Variants in PDE4B observed in about 807,000 individuals in gnomAD.
The protein encoded by PDE4B is 3',5'-cyclic-AMP phosphodiesterase 4B.
In PDE4B, 20 loss-of-function variants were observed where a neutral mutation model predicts 82.2. The observed-to-expected ratio is 0.24, with a 90% CI of 0.17 to 0.35. PDE4B has a LOEUF of 0.35. PDE4B is among the 10% of genes least tolerant of loss of function. The pLI, the probability that PDE4B is intolerant of heterozygous loss-of-function variation, is 1.00. For synonymous variants in PDE4B, 320 were observed against 318.9 expected (o/e 1.00, Z -0.04); for missense variants, 655 against 907.2 (o/e 0.72, Z 3.57).
intron 1 of PDE4B, among the ~76,000 whole-genome samples, chr1:65,908,712 C>T (rs1647054681): frequency 2.0e-5 from 3 of 151,990 alleles, no homozygotes; most frequent in Admixed American, 1.3e-4. Context: ...TCAATGTGTG[C>T]CAGTGGGGGT....
chr1:65,803,678 T>G (rs1393371294), intron 1 of PDE4B, among the ~76,000 whole-genome samples: 1 of 152,162 alleles, frequency 6.6e-6, no homozygotes, highest in Non-Finnish European at 1.5e-5. Flanking sequence ...CGGATTAAAA[T>G]GTACGATTCC....
chr1:66,307,907 G>A (rs1023550021), intron 7 of PDE4B, among the ~76,000 whole-genome samples: 1 of 152,094 alleles, frequency 6.6e-6, no homozygotes, highest in East Asian at 1.9e-4. Context: ...TAAGTCGAGG[G>A]CCAAGGTCAG....
intron 1 of PDE4B, among the ~76,000 whole-genome samples, chr1:65,829,739 C>T (rs556901771): frequency 5.9e-5 from 9 of 152,068 alleles, no homozygotes; most frequent in African/African-American, 2.2e-4. Context: ...TAATTTAAAA[C>T]AAAACGAAAC....
chr1:65,862,239 T>C (rs1334250215), intron 1 of PDE4B, among the ~76,000 whole-genome samples: 3 of 152,204 alleles, frequency 2.0e-5, no homozygotes, highest in Non-Finnish European at 4.4e-5. Context: ...ACCTAGTTTA[T>C]AGAGAGTTTT....
chr1:66,119,578 T>C (rs1440365515), intron 3 of PDE4B, among the ~76,000 whole-genome samples: 1 of 152,214 alleles, frequency 6.6e-6, no homozygotes, highest in Non-Finnish European at 1.5e-5. Flanking sequence ...ACTGATGTTA[T>C]TGCCACAATT....
intron 3 of PDE4B, among the ~76,000 whole-genome samples, chr1:66,159,734 C>T (rs1201582206): frequency 6.6e-6 from 1 of 152,084 alleles, no homozygotes; most frequent in Non-Finnish European, 1.5e-5. Flanking sequence ...CGTAAAAGCT[C>T]TAATATTCCC....
intron 3 of PDE4B, among the ~76,000 whole-genome samples, chr1:66,125,816 T>G (rs889786836): frequency 6.6e-6 from 1 of 152,186 alleles, no homozygotes; most frequent in Non-Finnish European, 1.5e-5. Context: ...TTGTGTTGTT[T>G]TGTTTTTGAG....
At chr1:65,915,487 TTTC>T (rs1430071979) in intron 2 of PDE4B, among the ~76,000 whole-genome samples, 12 of 152,170 alleles carry the variant, frequency 7.9e-5, no homozygotes, top group African/African-American at 2.9e-4. Context: ...CTTATTCCAT[TTTC>T]TCACTATGAG....
At chr1:66,182,556 T>C (rs1184360043) in intron 3 of PDE4B, among the ~76,000 whole-genome samples, 1 of 152,206 alleles carries the variant, frequency 6.6e-6, no homozygotes, top group Non-Finnish European at 1.5e-5. Context: ...CTTTTACTGC[T>C]TTGAATGATA....
chr1:66,058,989 C>G (rs978353622), intron 3 of PDE4B, among the ~76,000 whole-genome samples: 1 of 152,216 alleles, frequency 6.6e-6, no homozygotes, highest in Non-Finnish European at 1.5e-5. Flanking sequence ...AACTCTTATG[C>G]TCTGCATCCT....
chr1:66,354,247 C>A (rs1014379778), intron 8 of PDE4B: 2 of 197,286 alleles, frequency 1.0e-5, no homozygotes, highest in Admixed American at 6.5e-5. Flanking sequence ...TCAATTAGAG[C>A]GGCTGGATTT....
chr1:66,152,432 GC>G, intron 3 of PDE4B: 1 of 230,960 alleles, frequency 4.3e-6, no homozygotes, highest in South Asian at 5.4e-5. Flanking sequence ...ACTGGCTGTG[GC>G]AGCAGCAGCA....
At chr1:65,869,991 T>G (rs1027128606) in intron 1 of PDE4B, among the ~76,000 whole-genome samples, 2 of 152,160 alleles carry the variant, frequency 1.3e-5, no homozygotes, top group Non-Finnish European at 2.9e-5. Context: ...TGAGTGTGGT[T>G]GTGGAAAGGG....
chr1:66,366,522 T>A (rs536215984), intron 13 of PDE4B, among the ~76,000 whole-genome samples: 37 of 152,328 alleles, frequency 2.4e-4, no homozygotes, highest in African/African-American at 8.4e-4. Flanking sequence ...TACTGACAGT[T>A]TTCTAGAAAT....
At chr1:65,905,672 C>T (rs1426905501) in intron 1 of PDE4B, among the ~76,000 whole-genome samples, 1 of 152,048 alleles carries the variant, frequency 6.6e-6, no homozygotes, top group Non-Finnish European at 1.5e-5. Flanking sequence ...CTCTTTGTTT[C>T]TTAGTTACAA....
At chr1:65,968,565 G>C (rs1649973226) in intron 3 of PDE4B, among the ~76,000 whole-genome samples, 1 of 151,984 alleles carries the variant, frequency 6.6e-6, no homozygotes, top group Non-Finnish European at 1.5e-5. Context: ...CTTATTGGGA[G>C]AATTGCTTGT....
Position 66,004,013 on chromosome 1 carries a change from C to T in PDE4B, c.281+85178C>T, listed in dbSNP as rs11801292. Among the ~76,000 whole-genome samples the T allele has an allele frequency of 6.3e-3, 960 of 152,250 alleles. 7 individuals are homozygous for T. Among genetic ancestry groups the T allele is most frequent in the African/African-American group, 0.022 (911 of 41,564 alleles). On this transcript the variant is annotated intron_variant, in intron 3 of 16. Transcript: ENST00000341517. ...AGGTGATATGATGCAAAAAGCACAA[C>T]ATTTGGTTTCTAACTGCATCTTTTA...
intron 3 of PDE4B, among the ~76,000 whole-genome samples, chr1:66,101,064 G>A (rs558910699): frequency 6.6e-6 from 1 of 152,162 alleles, no homozygotes; most frequent in East Asian, 1.9e-4. Context: ...TTCCACCTAT[G>A]AGTGAGAACA....
chr1:66,165,034 TAC>T (rs1433613789), intron 3 of PDE4B, among the ~76,000 whole-genome samples: 2 of 152,148 alleles, frequency 1.3e-5, no homozygotes, highest in Admixed American at 6.5e-5. Flanking sequence ...GTGCTGGGAT[TAC>T]AGGGGTAAGC....
Sources: allele counts gnomAD v4.1 joint callset (sites outside exome capture counted in the v4.1 genomes callset), GRCh38; gene constraint gnomAD v4.1.1; transcripts MANE v1.5; gene names NCBI Gene and HGNC (gene_info 2026-07-23, HGNC 2026-07-21).